Variants in ARHGEF7 observed in about 807,000 individuals in gnomAD.
ARHGEF7 encodes the protein PAK-interacting exchange factor beta.
Under a neutral mutation model 109.8 loss-of-function variants are expected in ARHGEF7, and 33 were observed. The ratio of observed to expected loss-of-function variants is 0.30; its 90% CI spans 0.23 to 0.40. ARHGEF7 has a LOEUF of 0.40. Ranked by LOEUF, ARHGEF7 falls within the 10% of genes least tolerant of loss-of-function variation. ARHGEF7 has a pLI of 1.00. For synonymous variants in ARHGEF7, 458 were observed against 424.6 expected, an observed-to-expected ratio of 1.08 and a Z score of -0.97; for missense variants, 938 against 1,098.5, an observed-to-expected ratio of 0.85 and a Z score of 2.07.
chr13:111,299,337 ATTTTTTTTTT>A lies in ARHGEF7; in HGVS notation c.2312-1397_2312-1388del, dbSNP rs936360326. On this transcript the variant is annotated intron_variant, in intron 19 of 21. Transcript: ENST00000646102. ...CAGTAAAATGCTGGTGAAGCCATTCATTTTTTTTTTTTTTTTTTTTTTTGAGACGGAGTCT... is the reference window on the plus strand; with the variant it reads ...CAGTAAAATGCTGGTGAAGCCATTCATTTTTTTTTTTTTGAGACGGAGTCT... Among the ~76,000 whole-genome samples the A allele has an allele frequency of 4.4e-3, 468 of 106,094 alleles. 3 individuals carry two copies. Among genetic ancestry groups the A allele is most frequent in the Admixed American group, 0.012 (107 of 8,694 alleles). The allele number at this position is 106,094 out of a possible 152,430, so 69.6% of individuals were successfully genotyped here.
intron 13 of ARHGEF7, among the ~76,000 whole-genome samples, chr13:111,279,908 C>G (rs1448635677): frequency 1.3e-5 from 2 of 152,142 alleles, no homozygotes; most frequent in African/African-American, 4.8e-5. Context: ...TGGTTCTTTT[C>G]TGCAAAAACA....
At chr13:111,294,711 T>C in intron 19 of ARHGEF7, 1 of 985,488 alleles carries the variant, frequency 1.0e-6, no homozygotes, top group South Asian at 4.7e-5. Context: ...TTTCTACTTT[T>C]GTGGGACTTC....
At chr13:111,246,743 A>C (rs534487161) in intron 8 of ARHGEF7, among the ~76,000 whole-genome samples, 2 of 152,198 alleles carry the variant, frequency 1.3e-5, no homozygotes, top group African/African-American at 2.4e-5. Flanking sequence ...TGATAATTCA[A>C]AGTCTTTGTA....
intron 6 of ARHGEF7, among the ~76,000 whole-genome samples, chr13:111,241,536 A>C (rs758088853): frequency 6.6e-6 from 1 of 152,240 alleles, no homozygotes; most frequent in African/African-American, 2.4e-5. Flanking sequence ...GTTTAAGACT[A>C]TTTGTTGAAT....
At chr13:111,274,596 C>G (rs2092369777) in intron 10 of ARHGEF7, 135 bp from the exon 11 acceptor site, 1 of 445,750 alleles carries the variant, frequency 2.2e-6, no homozygotes, top group Non-Finnish European at 3.9e-6. Context: ...AAGACTGACA[C>G]TTTAATGCTG....
chr13:111,199,824 A>G (rs907069193), intron 2 of ARHGEF7, among the ~76,000 whole-genome samples: 1 of 152,142 alleles, frequency 6.6e-6, no homozygotes, highest in Non-Finnish European at 1.5e-5. Flanking sequence ...CCCAGGAACA[A>G]TCAGCCTGGG....
chr13:111,176,735 G>A (rs1287267422), intron 2 of ARHGEF7, among the ~76,000 whole-genome samples: 1 of 152,188 alleles, frequency 6.6e-6, no homozygotes, highest in African/African-American at 2.4e-5. Context: ...ATGTCCTTAG[G>A]TAGTATTTGC....
intron 1 of ARHGEF7, among the ~76,000 whole-genome samples, chr13:111,151,195 G>A (rs1000375401): frequency 6.6e-6 from 1 of 152,340 alleles, no homozygotes; most frequent in Non-Finnish European, 1.5e-5. Context: ...TATAAAACAA[G>A]CAGTCTCATC....
intron 5 of ARHGEF7, among the ~76,000 whole-genome samples, chr13:111,224,885 A>G (rs1380521832): frequency 6.6e-6 from 1 of 152,204 alleles, no homozygotes; most frequent in Non-Finnish European, 1.5e-5. Context: ...GATGGGACAC[A>G]TGAGGCTGCA....
At chr13:111,235,073 T>A (rs1302174725) in intron 6 of ARHGEF7, among the ~76,000 whole-genome samples, 1 of 152,264 alleles carries the variant, frequency 6.6e-6, no homozygotes, top group African/African-American at 2.4e-5. Context: ...TCTTGCATTC[T>A]TGTATAAGAC....
intron 1 of ARHGEF7, among the ~76,000 whole-genome samples, chr13:111,136,889 G>T (rs1230886531): frequency 1.3e-5 from 2 of 152,214 alleles, no homozygotes; most frequent in South Asian, 2.1e-4. Context: ...TCAAGTGGAC[G>T]CAATAAAAAA....
chr13:111,114,804 C>G (rs919508006), upstream of ARHGEF7: 2 of 152,266 alleles, frequency 1.3e-5, no homozygotes, highest in Non-Finnish European at 2.9e-5. Context: ...GAGTCGGTTC[C>G]TCCCGATTCA....
chr13:111,265,105 CAA>C (rs1216351170), intron 8 of ARHGEF7, among the ~76,000 whole-genome samples: 5 of 71,564 alleles, frequency 7.0e-5, no homozygotes, highest in Admixed American at 6.6e-4. Flanking sequence ...GCCTGGGTAA[CAA>C]GAGAGAAACT....
At chr13:111,219,078 C>T (rs947636104) in intron 5 of ARHGEF7, among the ~76,000 whole-genome samples, 1 of 152,140 alleles carries the variant, frequency 6.6e-6, no homozygotes, top group African/African-American at 2.4e-5. Flanking sequence ...TGTTCAGTAG[C>T]ACTAGGTACA....
At chr13:111,148,277 A>G (rs9560000) in intron 1 of ARHGEF7, among the ~76,000 whole-genome samples, 60,272 of 152,190 alleles carry the variant, frequency 0.4, 12,472 homozygotes, top group East Asian at 0.7. Context: ...TCAGGGACAA[A>G]GGCATAGACC....
chr13:111,221,388 GATGTCTATATATCTAT>G (rs2084068534), intron 5 of ARHGEF7, among the ~76,000 whole-genome samples: 1 of 12,936 alleles, frequency 7.7e-5, no homozygotes, highest in African/African-American at 2.2e-4. Context: ...TATATATATA[GATGTCTATATATCTAT>G]ATATATAGAT....
chr13:111,220,249 C>T (rs939350454), intron 5 of ARHGEF7, among the ~76,000 whole-genome samples: 1 of 152,212 alleles, frequency 6.6e-6, no homozygotes, highest in African/African-American at 2.4e-5. Flanking sequence ...GGACCTCGTT[C>T]GTTGCTCACC....
chr13:111,239,173 G>A lies in ARHGEF7; in HGVS notation c.760-4699G>A, dbSNP rs1378680684. Among the ~76,000 whole-genome samples, 2 of 152,118 alleles carry A rather than the reference G, an allele frequency of 1.3e-5. No individual in the cohort carries two copies. Among genetic ancestry groups the A allele is most frequent in the East Asian group, 1.9e-4 (1 of 5,190 alleles). Reference sequence around the variant, plus strand: ...GATTCAGTTACCTCCACCCTGTCCCGCCCTTGACACATGGGGATTATTACA... The same window carrying A: ...GATTCAGTTACCTCCACCCTGTCCCACCCTTGACACATGGGGATTATTACA... On this transcript the variant is annotated intron_variant, in intron 6 of 21. Transcript: ENST00000646102. This position sits in a 1 kb window ranked among gnomAD's most constrained non-coding sequence, Gnocchi z 4.3.
chr13:111,152,049 A>G (rs1336291527), intron 1 of ARHGEF7, among the ~76,000 whole-genome samples: 1 of 152,216 alleles, frequency 6.6e-6, no homozygotes, highest in Non-Finnish European at 1.5e-5. Context: ...GTTCATAAAT[A>G]CAGACTCTTT....
Sources: gnomAD v4.1 joint callset for allele counts (sites outside exome capture counted in the v4.1 genomes callset) on GRCh38, gnomAD v4.1.1 for gene constraint, Gnocchi (gnomAD v3.1) non-coding constraint, MANE v1.5 for transcripts, NCBI Gene and HGNC (gene_info 2026-07-23, HGNC 2026-07-21) for gene names.